PCLO: variants seen among roughly 807,000 people sequenced by gnomAD.
PCLO encodes protein piccolo.
Under a neutral mutation model 427.5 loss-of-function variants are expected in PCLO, and 82 were observed. The ratio of observed to expected loss-of-function variants is 0.19; its 90% CI spans 0.16 to 0.23. The LOEUF (loss-of-function observed/expected upper bound fraction) is 0.23. Ranked by LOEUF, PCLO falls within the 10% of genes least tolerant of loss-of-function variation. The pLI is 1.00. For missense variants in PCLO, 6,239 were observed against 6,115.9 expected, an observed-to-expected ratio of 1.02 and a Z score of -0.67; for synonymous variants, 2,357 against 2,155.4, an observed-to-expected ratio of 1.09 and a Z score of -2.59.
At chr7:83,111,746 A>G (rs746158346) in intron 3 of PCLO, among the ~76,000 whole-genome samples, 5 of 152,214 alleles carry the variant, frequency 3.3e-5, no homozygotes, top group Non-Finnish European at 5.9e-5. Flanking sequence ...ACTATGAGCT[A>G]TTGTTATAAA....
At chr7:82,902,073 T>G (rs1170481915) in intron 9 of PCLO, among the ~76,000 whole-genome samples, 2 of 151,876 alleles carry the variant, frequency 1.3e-5, no homozygotes, top group African/African-American at 4.8e-5. Flanking sequence ...ATCCCATTAC[T>G]GGGTATATAC....
intron 4 of PCLO, among the ~76,000 whole-genome samples, chr7:82,963,303 C>A (rs936565727): frequency 1.3e-5 from 2 of 151,978 alleles, no homozygotes; most frequent in African/African-American, 4.8e-5. Flanking sequence ...CAAAGAAATG[C>A]AATGGGTTTT....
intron 10 of PCLO, among the ~76,000 whole-genome samples, chr7:82,876,483 CACACAT>C (rs202247592): frequency 0.062 from 9,435 of 151,122 alleles, 395 homozygotes; most frequent in East Asian, 0.19. Flanking sequence ...CACACACACA[CACACAT>C]ACACCACACA....
intron 3 of PCLO, among the ~76,000 whole-genome samples, chr7:83,113,961 T>G (rs1389274651): frequency 1.3e-5 from 2 of 152,110 alleles, no homozygotes; most frequent in Non-Finnish European, 2.9e-5. Context: ...TTCTAATCCT[T>G]CTATACCTTA....
intron 3 of PCLO, among the ~76,000 whole-genome samples, chr7:83,037,680 G>A (rs1788829352): frequency 6.6e-6 from 1 of 150,812 alleles, no homozygotes; most frequent in African/African-American, 2.4e-5. Context: ...CATATCCTGG[G>A]GCTCTAGCTT....
intron 6 of PCLO, among the ~76,000 whole-genome samples, chr7:82,945,410 G>C (rs1795180471): frequency 6.6e-6 from 1 of 152,074 alleles, no homozygotes; most frequent in Non-Finnish European, 1.5e-5. Context: ...CCAAAAAAAT[G>C]ATATATTGGA....
At chr7:82,889,327 C>A (rs1446971581) in intron 9 of PCLO, among the ~76,000 whole-genome samples, 1 of 152,090 alleles carries the variant, frequency 6.6e-6, no homozygotes, top group Non-Finnish European at 1.5e-5. Context: ...TCTCCCTCAC[C>A]ACCAGGATGC....
rs754518966 is a variant in PCLO, at chr7:82,915,724, A to G, written c.12262T>C (p.Ser4088Pro). 1 of 1,612,322 alleles carries G rather than the reference A, an allele frequency of 6.2e-7. No individual in the cohort carries two copies. Among genetic ancestry groups the G allele is most frequent in the Admixed American group, 1.7e-5 (1 of 59,702 alleles). The change falls in exon 7 of 25, where the codon TCT (serine) becomes CCT (proline). Residue 4088 changes from serine (S) to proline (P), a missense_variant. Ser to Pro is a moderately conservative substitution (Grantham distance 74, BLOSUM62 -1). Around this residue, in one of 5 missense-constraint regions of PCLO, gnomAD observed 680 missense variants for 677.3 expected, o/e 1.00. Coordinates refer to ENST00000333891, the MANE Select transcript of PCLO (RefSeq NM_033026.6). ...GCTAGGAAATCTGTCACTTCTTGAG[A>G]CCGGCGTGTCTCAGTGGTTCGAAGG... ...RLLRTTETRR[S>P]QEVTDFLAPL...
At chr7:82,918,704 T>C (rs964431795) in intron 6 of PCLO, among the ~76,000 whole-genome samples, 7 of 152,054 alleles carry the variant, frequency 4.6e-5, no homozygotes, top group Non-Finnish European at 7.4e-5. Context: ...AGATCTGGCA[T>C]ATGCATAAGC....
chr7:83,084,118 T>G (rs1178951704), intron 3 of PCLO, among the ~76,000 whole-genome samples: 1 of 152,108 alleles, frequency 6.6e-6, no homozygotes, highest in Non-Finnish European at 1.5e-5. Flanking sequence ...AACACGCAAT[T>G]CTAGACCATC....
In PCLO at chr7:82,755,299, A is replaced by G. The variant is rs1790293921; in HGVS notation, c.*3276T>C. 6.6e-6 allele frequency: 1 copy of G among 152,156 alleles called. No individual in the cohort carries two copies. 9.4% of individuals were successfully genotyped at this position (152,156 alleles called of 1,614,324 possible). A position where few individuals can be genotyped will look rare whatever the true frequency, so the allele number is the denominator to read the frequency against. ...TGGGCAATATTAAAGAGTAAAGATA[A>G]CTGATGCCCCTTAGTCTTGATATTT... On this transcript the variant is annotated 3_prime_UTR_variant, in exon 25 of 25. Coordinates refer to ENST00000333891, the MANE Select transcript of PCLO (RefSeq NM_033026.6).
chr7:82,824,213 CT>C (rs765358014), intron 19 of PCLO, 22 bp downstream of exon 19: 2 of 1,539,286 alleles, frequency 1.3e-6, no homozygotes, highest in African/African-American at 2.8e-5. Context: ...AAAACTTTTT[CT>C]ACTTAAAAAA....
At chr7:82,932,632 A>G (rs1028321939) in intron 6 of PCLO, among the ~76,000 whole-genome samples, 1 of 152,166 alleles carries the variant, frequency 6.6e-6, no homozygotes, top group African/African-American at 2.4e-5. Context: ...GAAAGTGAAG[A>G]AACAGAAAAA....
At chr7:83,022,221 A>G (rs1788362714) in intron 3 of PCLO, among the ~76,000 whole-genome samples, 1 of 152,192 alleles carries the variant, frequency 6.6e-6, no homozygotes, top group South Asian at 2.1e-4. Flanking sequence ...ATGGATGCAC[A>G]CCTGACACCA....
intron 4 of PCLO, among the ~76,000 whole-genome samples, chr7:82,961,924 T>C (rs1795664630): frequency 6.6e-6 from 1 of 152,190 alleles, no homozygotes; most frequent in African/African-American, 2.4e-5. Flanking sequence ...AAATCATTTG[T>C]TAAAGATCAA....
chr7:82,867,124 G>A (rs917104393), intron 10 of PCLO, among the ~76,000 whole-genome samples: 2 of 152,258 alleles, frequency 1.3e-5, no homozygotes, highest in African/African-American at 2.4e-5. Flanking sequence ...TTTGGTCCAG[G>A]TGCAGCGGCT....
At chr7:82,816,279 A>C (rs1791677036) in intron 20 of PCLO, among the ~76,000 whole-genome samples, 1 of 152,246 alleles carries the variant, frequency 6.6e-6, no homozygotes, top group African/African-American at 2.4e-5. Context: ...GGGGACTATT[A>C]TTAAATCAAC....
In PCLO at chr7:82,920,703, T is replaced by G. The variant is rs115280331; in HGVS notation, c.11113-3830A>C. ...TACCATTTCTATATGGCAAAGGAAA[T>G]TTTGCTTGTTTTGGAGTGTTAGGAA... is the stretch of plus-strand genomic sequence containing the variant. On this transcript the variant is annotated intron_variant, in intron 6 of 24. Transcript: ENST00000333891. Among the ~76,000 whole-genome samples, 879 of 151,746 alleles carry G rather than the reference T, an allele frequency of 5.8e-3. 12 individuals carry two copies. Among genetic ancestry groups the G allele is most frequent in the African/African-American group, 0.02 (830 of 41,488 alleles).
chr7:82,810,678 G>A (rs1414106952), intron 20 of PCLO, among the ~76,000 whole-genome samples: 1 of 151,662 alleles, frequency 6.6e-6, no homozygotes, highest in Non-Finnish European at 1.5e-5. Context: ...TTGGCTGTTA[G>A]ATGGTTCAAC....
Sources: allele counts gnomAD v4.1 joint callset (sites outside exome capture counted in the v4.1 genomes callset), GRCh38; gene constraint gnomAD v4.1.1; regional missense constraint gnomAD v4.1.1; transcripts MANE v1.5; gene names NCBI Gene and HGNC (gene_info 2026-07-23, HGNC 2026-07-21).